Variants in DGKB observed in about 807,000 individuals in gnomAD.
The protein encoded by DGKB is 90 kDa diacylglycerol kinase.
Under a neutral mutation model 114.3 loss-of-function variants are expected in DGKB, and 67 were observed. The ratio of observed to expected loss-of-function variants is 0.59; its 90% CI spans 0.48 to 0.72. The LOEUF is 0.72. Among genes scored for constraint, DGKB ranks in the 30% least tolerant of loss-of-function variants. DGKB has a pLI of 0.00. For synonymous variants in DGKB, 398 were observed against 323.1 expected (o/e 1.23, Z -2.49); for missense variants, 907 against 975.2 (o/e 0.93, Z 0.93).
chr7:14,863,276 A>G (rs189899929), intron 1 of DGKB, among the ~76,000 whole-genome samples: 2 of 151,632 alleles, frequency 1.3e-5, no homozygotes, highest in Admixed American at 1.3e-4. Flanking sequence ...TCTTAATATA[A>G]TAGTTTATAT....
At chr7:14,663,977 T>C (rs1817605195) in intron 13 of DGKB, among the ~76,000 whole-genome samples, 1 of 152,012 alleles carries the variant, frequency 6.6e-6, no homozygotes, top group Non-Finnish European at 1.5e-5. Flanking sequence ...GCTACAAAGC[T>C]GGACTTGAGG....
chr7:14,933,404 G>A (rs556693053), intron 1 of DGKB, among the ~76,000 whole-genome samples: 10 of 151,930 alleles, frequency 6.6e-5, no homozygotes, highest in African/African-American at 2.4e-4. Flanking sequence ...TTCTCCCTTT[G>A]CCCCCAATTA....
intron 13 of DGKB, among the ~76,000 whole-genome samples, chr7:14,653,560 A>G (rs569458330): frequency 6.6e-6 from 1 of 152,142 alleles, no homozygotes; most frequent in African/African-American, 2.4e-5. Context: ...ATGCTAGATG[A>G]CGAGTTAGTG....
At position 14,863,411 on chromosome 7, in the gene DGKB, A is replaced by T. The variant is rs373141678; in HGVS notation, c.-187-21961T>A. 2.7e-4 allele frequency among the ~76,000 whole-genome samples: 41 copies of T among 151,614 alleles called. No individual in the cohort carries two copies. The East Asian group carries it at 6.0e-3, about 22-fold the overall frequency. On this transcript the variant is annotated intron_variant, in intron 1 of 25. Coordinates refer to ENST00000402815, the MANE Select transcript of DGKB (RefSeq NM_001350709.2). Reference sequence around the variant, plus strand: ...ATAATATTTATATTAAAAATTAAATAATTTAAATTAACTATAAAACTAAAA... The same window carrying T: ...ATAATATTTATATTAAAAATTAAATTATTTAAATTAACTATAAAACTAAAA...
At chr7:14,589,375 T>C (rs1232438707) in intron 17 of DGKB, among the ~76,000 whole-genome samples, 2 of 151,982 alleles carry the variant, frequency 1.3e-5, no homozygotes, top group African/African-American at 4.8e-5. Context: ...TTATAATTGT[T>C]ATTTCTTTCC....
At chr7:14,875,230 A>C (rs1224711424) in intron 1 of DGKB, among the ~76,000 whole-genome samples, 1 of 152,130 alleles carries the variant, frequency 6.6e-6, no homozygotes, top group Admixed American at 6.5e-5. Flanking sequence ...TCTATAAACT[A>C]CAAACAAAAT....
intron 25 of DGKB, among the ~76,000 whole-genome samples, chr7:14,171,926 T>G (rs1185098009): frequency 1.3e-5 from 2 of 152,208 alleles, no homozygotes; most frequent in Non-Finnish European, 2.9e-5. Context: ...AGTAAGCCTG[T>G]GTCTAAAAGG....
chr7:14,555,927 C>G (rs967976684), intron 20 of DGKB, among the ~76,000 whole-genome samples: 19 of 152,270 alleles, frequency 1.2e-4, no homozygotes, highest in African/African-American at 4.6e-4. Context: ...AACAAATAAC[C>G]ATAAAAATGG....
intron 21 of DGKB, among the ~76,000 whole-genome samples, chr7:14,435,529 C>G (rs1829107638): frequency 6.6e-6 from 1 of 152,062 alleles, no homozygotes; most frequent in African/African-American, 2.4e-5. Flanking sequence ...ATAAAGTACT[C>G]TAGCAAGATA....
chr7:14,157,156 A>C (rs1447831944), intron 25 of DGKB, among the ~76,000 whole-genome samples: 1 of 152,146 alleles, frequency 6.6e-6, no homozygotes, highest in African/African-American at 2.4e-5. Context: ...AATATCTGTG[A>C]GTAGAGCTTA....
chr7:14,287,523 A>G (rs1022404330), intron 23 of DGKB, among the ~76,000 whole-genome samples: 1 of 152,176 alleles, frequency 6.6e-6, no homozygotes, highest in African/African-American at 2.4e-5. Flanking sequence ...TTATTTTCCT[A>G]TAGTTGTCTT....
rs183553588 is a variant in DGKB at position 14,941,539 on chromosome 7, A to G, written c.-188+33157T>C. Among the ~76,000 whole-genome samples the G allele has an allele frequency of 1.5e-3, 232 of 152,226 alleles. 4 individuals carry two copies. The highest frequency in any genetic ancestry group is 5.0e-4 in the Non-Finnish European group (34 of 67,972). ...GTTCATTCCAAAAATTGTATGCATAATTTGTAAACATATATAGTTACTTGT... is the reference window on the plus strand; with the variant it reads ...GTTCATTCCAAAAATTGTATGCATAGTTTGTAAACATATATAGTTACTTGT... On this transcript the variant is annotated intron_variant, in intron 1 of 4. Transcript: ENST00000437998.
intron 21 of DGKB, among the ~76,000 whole-genome samples, chr7:14,442,746 A>G (rs191063618): frequency 4.5e-3 from 680 of 152,210 alleles, no homozygotes; most frequent in South Asian, 6.8e-3. Context: ...AGATCATGCT[A>G]TGGTGCCCAG....
intron 1 of DGKB, among the ~76,000 whole-genome samples, chr7:14,925,500 T>G (rs531237810): frequency 4.6e-5 from 7 of 152,164 alleles, no homozygotes; most frequent in Admixed American, 6.5e-5. Context: ...GGAGTATTGA[T>G]AGATTTTATT....
At chr7:14,189,567 C>T (rs1333511475) in intron 23 of DGKB, among the ~76,000 whole-genome samples, 1 of 151,864 alleles carries the variant, frequency 6.6e-6, no homozygotes, top group African/African-American at 2.4e-5. Context: ...ACAATAATAA[C>T]CTTGAATGTA....
intron 20 of DGKB, among the ~76,000 whole-genome samples, chr7:14,559,869 T>A (rs1796396959): frequency 6.6e-6 from 1 of 151,996 alleles, no homozygotes; most frequent in African/African-American, 2.4e-5. Flanking sequence ...TTTTCTTTTC[T>A]TTTCTTTTTT....
At chr7:14,282,504 T>A (rs1372106541) in intron 23 of DGKB, among the ~76,000 whole-genome samples, 1 of 152,152 alleles carries the variant, frequency 6.6e-6, no homozygotes, top group South Asian at 2.1e-4. Context: ...CCTCCCTCAC[T>A]CATTTGATGA....
intron 21 of DGKB, among the ~76,000 whole-genome samples, chr7:14,397,503 C>T (rs1822408622): frequency 6.6e-6 from 1 of 152,092 alleles, no homozygotes; most frequent in African/African-American, 2.4e-5. Flanking sequence ...AAGATCACCT[C>T]TCTGAGAGTC....
At chr7:14,580,730 A>G (rs1270133996) in intron 19 of DGKB, 132 bp downstream of exon 19, 2 of 502,450 alleles carry the variant, frequency 4.0e-6, no homozygotes, top group African/African-American at 3.9e-5. Context: ...GTTCAAAATC[A>G]TATATTATAT....
Sources: allele counts gnomAD v4.1 joint callset (sites outside exome capture counted in the v4.1 genomes callset), GRCh38; gene constraint gnomAD v4.1.1; transcripts MANE v1.5; gene names NCBI Gene and HGNC (gene_info 2026-07-23, HGNC 2026-07-21).